AGBL1: variants seen among roughly 807,000 people sequenced by gnomAD.
The protein encoded by AGBL1 is AGBL carboxypeptidase 1, also known as cytosolic carboxypeptidase 4.
AGBL1 carries 130 observed loss-of-function variants against 118.9 expected under a neutral mutation model. That is an observed-to-expected ratio of 1.09 (90% CI 0.95 to 1.26). AGBL1 has a LOEUF of 1.26. AGBL1 is among the 50% of genes most tolerant of loss of function. The pLI is 0.00. For synonymous variants in AGBL1, 555 were observed against 478.9 expected (o/e 1.16, Z -2.08); for missense variants, 1,584 against 1,298.1 (o/e 1.22, Z -3.38).
chr15:86,794,869 T>C (rs1021312499), intron 22 of AGBL1, among the ~76,000 whole-genome samples: 1 of 152,168 alleles, frequency 6.6e-6, no homozygotes, highest in Non-Finnish European at 1.5e-5. Context: ...TAGTTTTATA[T>C]TTTTTCTAGT....
At chr15:86,894,982 ACT>A (rs376965855) in intron 22 of AGBL1, among the ~76,000 whole-genome samples, 250 of 152,156 alleles carry the variant, frequency 1.6e-3, no homozygotes, top group African/African-American at 5.8e-3. Context: ...GGACACAGTG[ACT>A]CTGACCACTT....
intron 24 of AGBL1, among the ~76,000 whole-genome samples, chr15:87,013,472 TTA>T (rs2141786156): frequency 6.6e-6 from 1 of 152,314 alleles, no homozygotes; most frequent in Non-Finnish European, 1.5e-5. Flanking sequence ...TTAACAATGT[TTA>T]AAATACCTAA....
At chr15:86,580,596 C>T (rs996416076) in intron 21 of AGBL1, among the ~76,000 whole-genome samples, 1 of 151,926 alleles carries the variant, frequency 6.6e-6, no homozygotes, top group African/African-American at 2.4e-5. Flanking sequence ...AATAATTGTA[C>T]ATATTTAACT....
chr15:86,328,681 A>C (rs944343128), intron 17 of AGBL1, among the ~76,000 whole-genome samples: 1 of 152,146 alleles, frequency 6.6e-6, no homozygotes, highest in African/African-American at 2.4e-5. Flanking sequence ...GCCCCAGTAC[A>C]TGAGAGAGAC....
chr15:86,710,943 C>T (rs75995722), intron 22 of AGBL1, among the ~76,000 whole-genome samples: 3,254 of 152,180 alleles, frequency 0.021, 96 homozygotes, highest in African/African-American at 0.072. Flanking sequence ...TTCCAGGGTT[C>T]TTGAGAAGAA....
chr15:86,472,956 G>A (rs1360435285), intron 18 of AGBL1, among the ~76,000 whole-genome samples: 2 of 152,040 alleles, frequency 1.3e-5, no homozygotes, highest in African/African-American at 4.8e-5. Flanking sequence ...TAACCCATTA[G>A]CCCAGAATCA....
rs540023172 is a variant in AGBL1, at chr15:86,195,840, T to C, written c.489-29074T>C. ...CCTGGGGGATTTTTGCTTTTTTATT[T>C]ATTTTTTTGTTTAACTCAAGGTTTG... On this transcript the variant is annotated intron_variant, in intron 5 of 22. Coordinates refer to ENST00000614907, the MANE Select transcript of AGBL1 (RefSeq NM_001386094.1). Among the ~76,000 whole-genome samples, 9 of 152,370 alleles carry C rather than the reference T, an allele frequency of 5.9e-5. No individual in the cohort carries two copies. In the South Asian group the frequency reaches 1.9e-3, roughly 32 times the overall value.
intron 8 of AGBL1, 47 bp from the exon 9 acceptor site, chr15:86,257,917 G>A (rs753308441): frequency 2.5e-6 from 4 of 1,586,520 alleles, no homozygotes; most frequent in African/African-American, 1.4e-5. Context: ...CCTAAATCCC[G>A]GGCAAAGGGG....
chr15:86,098,170 T>A (rs1899859), intron 1 of AGBL1, among the ~76,000 whole-genome samples: 2,276 of 148,050 alleles, frequency 0.015, 34 homozygotes, highest in South Asian at 0.076. Flanking sequence ...AAACTATTTA[T>A]TTTTTTTTTG....
intron 22 of AGBL1, among the ~76,000 whole-genome samples, chr15:86,701,461 T>C (rs1338684397): frequency 6.6e-6 from 1 of 152,120 alleles, no homozygotes; most frequent in African/African-American, 2.4e-5. Context: ...GTGCTGAGTG[T>C]GCACAAAGAT....
At chr15:86,679,987 G>C (rs139257733) in intron 22 of AGBL1, among the ~76,000 whole-genome samples, 265 of 152,186 alleles carry the variant, frequency 1.7e-3, no homozygotes, top group African/African-American at 6.3e-3. Flanking sequence ...GTCTGTGCTT[G>C]GTTTCTATTG....
intron 18 of AGBL1, among the ~76,000 whole-genome samples, chr15:86,415,114 A>T (rs2081673570): frequency 6.6e-6 from 1 of 152,204 alleles, no homozygotes; most frequent in Non-Finnish European, 1.5e-5. Flanking sequence ...AACTGCTGGG[A>T]TGCCTCTTTA....
At chr15:86,339,966 A>G (rs1007497564) in intron 17 of AGBL1, among the ~76,000 whole-genome samples, 37 of 148,018 alleles carry the variant, frequency 2.5e-4, no homozygotes, top group Non-Finnish European at 4.8e-4. Flanking sequence ...CTCCATCTCA[A>G]AAAAAAAAAA....
At chr15:86,764,781 A>G (rs1567162995) in intron 22 of AGBL1, among the ~76,000 whole-genome samples, 1 of 152,052 alleles carries the variant, frequency 6.6e-6, no homozygotes, top group Non-Finnish European at 1.5e-5. Flanking sequence ...AAATTTTTAA[A>G]CATCTTGGGC....
In AGBL1 at chr15:86,629,729, G is replaced by A. The variant is rs540329146; in HGVS notation, c.2995-44544G>A. Among the ~76,000 whole-genome samples the A allele has an allele frequency of 1.3e-3, 201 of 150,142 alleles. 1 individual carries two copies. Among genetic ancestry groups the A allele is most frequent in the African/African-American group, 4.5e-3 (185 of 40,746 alleles). On this transcript the variant is annotated intron_variant, in intron 21 of 22. Coordinates refer to ENST00000614907, the MANE Select transcript of AGBL1 (RefSeq NM_001386094.1). ...AAATCTAGGCAGCATTGAAACAAAT[G>A]CCAAAGAAACAGGAAAAAAAACCCT...
intron 1 of AGBL1, among the ~76,000 whole-genome samples, chr15:86,085,296 G>A (rs75040234): frequency 2.0e-5 from 3 of 152,092 alleles, no homozygotes; most frequent in Non-Finnish European, 2.9e-5. Flanking sequence ...ATCTTCCCCC[G>A]GTCATGGCGG....
At chr15:86,571,806 C>G (rs1165881173) in intron 21 of AGBL1, among the ~76,000 whole-genome samples, 1 of 152,146 alleles carries the variant, frequency 6.6e-6, no homozygotes, top group Non-Finnish European at 1.5e-5. Context: ...CTGGGGGTCT[C>G]GTGGCCCAGC....
rs2078454558 is a variant in AGBL1 at position 86,789,012 on chromosome 15, A to G, written c.3158+114576A>G. 2.6e-5 allele frequency among the ~76,000 whole-genome samples: 4 copies of G among 152,334 alleles called. 1 individual carries two copies. The South Asian group carries it at 8.3e-4, about 32-fold the overall frequency. ...AGGCAAGCTTTGCAGAGTAGATCACACTGCAAAATCTGGAAGGATGGAGAA... is the reference window on the plus strand; with the variant it reads ...AGGCAAGCTTTGCAGAGTAGATCACGCTGCAAAATCTGGAAGGATGGAGAA... On this transcript the variant is annotated intron_variant, in intron 22 of 22. Coordinates refer to ENST00000614907, the MANE Select transcript of AGBL1 (RefSeq NM_001386094.1).
In AGBL1 at chr15:86,219,945, CTTT is replaced by C. The variant is rs68023928; in HGVS notation, c.489-4946_489-4944del. Reference sequence around the variant, plus strand: ...GGTAGACTTATAGCTAATGCTGCCTCTTTTTTTTTTTTTTTTTTTTTTTTTAGA... The same window carrying C: ...GGTAGACTTATAGCTAATGCTGCCTCTTTTTTTTTTTTTTTTTTTTTTAGA... On this transcript the variant is annotated intron_variant, in intron 5 of 22. Coordinates refer to ENST00000614907, the MANE Select transcript of AGBL1 (RefSeq NM_001386094.1). Among the ~76,000 whole-genome samples, 135 of 85,752 alleles carry C rather than the reference CTTT, an allele frequency of 1.6e-3. 2 individuals are homozygous for C. The East Asian group carries it at 0.034, about 22-fold the overall frequency. The allele number at this position is 85,752 out of a possible 152,430, so 56.3% of individuals were successfully genotyped here. A position where few individuals can be genotyped will look rare whatever the true frequency, so the allele number is the denominator to read the frequency against.
Sources: allele counts gnomAD v4.1 joint callset (sites outside exome capture counted in the v4.1 genomes callset), GRCh38; gene constraint gnomAD v4.1.1; transcripts MANE v1.5; gene names NCBI Gene and HGNC (gene_info 2026-07-23, HGNC 2026-07-21).